Variants in ASTN2 observed in about 807,000 individuals in gnomAD.
ASTN2 encodes the protein astrotactin-2.
Under a neutral mutation model 139.8 loss-of-function variants are expected in ASTN2, and 54 were observed. The observed-to-expected ratio is 0.39, with a 90% CI of 0.31 to 0.48. The LOEUF is 0.48. Among genes scored for constraint, ASTN2 ranks in the 20% least tolerant of loss-of-function variants. The pLI is 0.95. For synonymous variants in ASTN2, 756 were observed against 719.5 expected (o/e 1.05, Z -0.81); for missense variants, 1,565 against 1,725.1 (o/e 0.91, Z 1.64).
chr9:116,765,424 C>T (rs1564254599), intron 13 of ASTN2, among the ~76,000 whole-genome samples: 1 of 152,154 alleles, frequency 6.6e-6, no homozygotes. Flanking sequence ...GAAGTGTAAA[C>T]TAGTTTGACC....
At chr9:116,718,998 A>G (rs1434836701) in intron 16 of ASTN2, among the ~76,000 whole-genome samples, 1 of 141,834 alleles carries the variant, frequency 7.1e-6, no homozygotes, top group Non-Finnish European at 1.5e-5. Context: ...ATATCTGCCT[A>G]TAAGTCTCTC....
intron 3 of ASTN2, among the ~76,000 whole-genome samples, chr9:117,186,405 G>A (rs777691100): frequency 3.3e-5 from 5 of 151,954 alleles, no homozygotes; most frequent in Non-Finnish European, 5.9e-5. Context: ...AAATTAGCCG[G>A]GTGTGGTGGC....
At chr9:117,109,566 C>A (rs1259667356) in intron 4 of ASTN2, among the ~76,000 whole-genome samples, 2 of 152,044 alleles carry the variant, frequency 1.3e-5, no homozygotes, top group East Asian at 3.9e-4. Context: ...TGTTAGAATT[C>A]CCCTTCTTAT....
intron 1 of ASTN2, among the ~76,000 whole-genome samples, chr9:117,324,426 G>A (rs1828445369): frequency 6.6e-6 from 1 of 152,182 alleles, no homozygotes; most frequent in African/African-American, 2.4e-5. Context: ...GGGGAAGCAG[G>A]CACCTTCTTC....
intron 4 of ASTN2, among the ~76,000 whole-genome samples, chr9:117,119,829 A>G (rs545701084): frequency 1.3e-5 from 2 of 151,764 alleles, no homozygotes; most frequent in South Asian, 4.2e-4. Context: ...TCATAGGAAG[A>G]TGGGGTTTGA....
chr9:117,054,031 G>GAA (rs56060705), intron 5 of ASTN2, among the ~76,000 whole-genome samples: 67 of 140,066 alleles, frequency 4.8e-4, no homozygotes, highest in Non-Finnish European at 8.2e-4. Context: ...GATAAAAAAA[G>GAA]AAAAAAAAAA....
At chr9:117,299,010 G>A (rs1834809816) in intron 1 of ASTN2, among the ~76,000 whole-genome samples, 1 of 152,044 alleles carries the variant, frequency 6.6e-6, no homozygotes. Context: ...ACATCCTGGA[G>A]CATGCACATG....
chr9:116,714,466 T>C (rs1239983508), intron 16 of ASTN2, among the ~76,000 whole-genome samples: 1 of 152,242 alleles, frequency 6.6e-6, no homozygotes, highest in Admixed American at 6.5e-5. Context: ...ATGATCATAA[T>C]AGCATTTCCT....
At chr9:116,478,985 G>A (rs1282429784) in intron 20 of ASTN2, among the ~76,000 whole-genome samples, 2 of 91,986 alleles carry the variant, frequency 2.2e-5, no homozygotes, top group Non-Finnish European at 3.7e-5. Context: ...GAAGGAGACT[G>A]TGCCTCAAAA....
chr9:116,774,367 G>A (rs1463836939), intron 13 of ASTN2, among the ~76,000 whole-genome samples: 2 of 152,156 alleles, frequency 1.3e-5, no homozygotes, highest in African/African-American at 4.8e-5. Flanking sequence ...CAGGGTAAAG[G>A]AAAAGGTATC....
intron 4 of ASTN2, among the ~76,000 whole-genome samples, chr9:117,135,295 G>C (rs148785389): frequency 6.6e-6 from 1 of 152,258 alleles, no homozygotes; most frequent in Non-Finnish European, 1.5e-5. Context: ...CTTCTTTGTT[G>C]AATGGGGATA....
intron 13 of ASTN2, among the ~76,000 whole-genome samples, chr9:116,787,802 A>G (rs565514351): frequency 6.6e-6 from 1 of 152,306 alleles, no homozygotes; most frequent in East Asian, 1.9e-4. Flanking sequence ...GAAAAAGGAC[A>G]TCAGATAAAA....
chr9:116,785,289 C>G (rs914784866), intron 13 of ASTN2, among the ~76,000 whole-genome samples: 3 of 152,186 alleles, frequency 2.0e-5, no homozygotes, highest in Non-Finnish European at 4.4e-5. Flanking sequence ...TCTCTATCTA[C>G]TCCCTAGTGA....
chr9:117,012,541 A>C (rs1186946342), intron 6 of ASTN2, among the ~76,000 whole-genome samples: 1 of 152,224 alleles, frequency 6.6e-6, no homozygotes, highest in African/African-American at 2.4e-5. Context: ...GAGAGATCAA[A>C]TATCTGCCCA....
intron 19 of ASTN2, chr9:116,546,513 G>C (rs1337164964): frequency 2.6e-5 from 4 of 152,192 alleles, no homozygotes; most frequent in East Asian, 1.9e-4. Flanking sequence ...AATGTATTGA[G>C]TTAAGAGATA....
chr9:117,199,156 T>G (rs1831613679), intron 3 of ASTN2, among the ~76,000 whole-genome samples: 1 of 152,242 alleles, frequency 6.6e-6, no homozygotes, highest in Non-Finnish European at 1.5e-5. Context: ...TTTGTCAATT[T>G]TGGCTTTTGT....
chr9:117,277,960 A>T (rs967997854), intron 2 of ASTN2, among the ~76,000 whole-genome samples: 4 of 152,246 alleles, frequency 2.6e-5, no homozygotes, highest in Non-Finnish European at 5.9e-5. Context: ...AAACATAGAC[A>T]CAAAAAAATT....
chr9:117,249,817 G>A (rs1039421394), intron 2 of ASTN2, among the ~76,000 whole-genome samples: 15 of 152,056 alleles, frequency 9.9e-5, no homozygotes, highest in African/African-American at 3.1e-4. Context: ...GGGTCCCAGG[G>A]TAACACCTAT....
chr9:117,247,729 C>T (rs953316596), intron 2 of ASTN2, among the ~76,000 whole-genome samples: 3 of 152,338 alleles, frequency 2.0e-5, no homozygotes, highest in South Asian at 2.1e-4. Context: ...GGCTCTGCTT[C>T]CCTTCTGGAA....
Sources: gnomAD v4.1 joint callset for allele counts (sites outside exome capture counted in the v4.1 genomes callset) on GRCh38, gnomAD v4.1.1 for gene constraint, MANE v1.5 for transcripts, NCBI Gene and HGNC (gene_info 2026-07-23, HGNC 2026-07-21) for gene names.